The following WARS1 variants were observed in gnomAD, a reference collection of about 807,000 sequenced individuals.
WARS1 encodes tryptophanyl-tRNA synthetase 1, also known as tryptophan--tRNA ligase, cytoplasmic.
In WARS1, 17 loss-of-function variants were observed where a neutral mutation model predicts 47.8. The ratio of observed to expected loss-of-function variants is 0.36; its 90% confidence interval spans 0.24 to 0.53. The LOEUF (loss-of-function observed/expected upper bound fraction) is 0.53, where lower values mean the gene tolerates loss of function less well. Ranked by LOEUF, WARS1 falls within the 20% of genes least tolerant of loss-of-function variation. WARS1 has a pLI of 0.91. For missense variants in WARS1, 434 were observed against 608.0 expected, an observed-to-expected ratio of 0.71 and a Z score of 3.01; for synonymous variants, 208 against 228.1, an observed-to-expected ratio of 0.91 and a Z score of 0.79.
At chr14:100,364,803 A>G (rs1008303360) in intron 2 of WARS1, among the ~76,000 whole-genome samples, 1 of 152,244 alleles carries the variant, frequency 6.6e-6, no homozygotes, top group African/African-American at 2.4e-5. Flanking sequence ...ACCACTGTCA[A>G]CTTCCCAAAA....
At chr14:100,349,763 G>C (rs1204781624) in intron 6 of WARS1, among the ~76,000 whole-genome samples, 1 of 152,236 alleles carries the variant, frequency 6.6e-6, no homozygotes. Context: ...GCAATGTGCA[G>C]GGGGAACTGC....
chr14:100,349,429 G>C (rs1051784665), intron 6 of WARS1, among the ~76,000 whole-genome samples: 2 of 152,176 alleles, frequency 1.3e-5, no homozygotes, highest in South Asian at 2.1e-4. Flanking sequence ...AATATTTGTA[G>C]AACAAAGGAG....
chr14:100,350,412 A>AAAAAT (rs1894900147), intron 6 of WARS1, among the ~76,000 whole-genome samples: 4 of 151,094 alleles, frequency 2.6e-5, no homozygotes, highest in Admixed American at 2.6e-4. Context: ...AAAAAAAAAA[A>AAAAAT]AAAAGGAAGT....
At chr14:100,355,503 G>C (rs1895254247) in intron 4 of WARS1, among the ~76,000 whole-genome samples, 2 of 152,120 alleles carry the variant, frequency 1.3e-5, no homozygotes, top group Admixed American at 1.3e-4. Flanking sequence ...TTACAGGTGT[G>C]AGCCACTGCG....
In WARS1 at chr14:100,334,946, G is replaced by A. The variant is rs1408971790; in HGVS notation, c.1345C>T (p.Arg449Cys). Reference protein sequence around the residue: ...QPLIAEHQARRKEVTDEIVKE... With the variant: ...QPLIAEHQARCKEVTDEIVKE... ...ACTATCTCATCCGTGACCTCCTTGC[G>A]CCGGGCCTGGTGCTCTGCGATCAAG... The change falls in exon 11 of 11, where the codon CGC becomes TGC. Residue 449 changes from arginine (R) to cysteine (C), a missense_variant. Transcript: ENST00000392882. 2.5e-6 allele frequency: 4 copies of A among 1,614,156 alleles called. No individual in the cohort carries two copies. The highest frequency in any genetic ancestry group is 2.2e-5 in the East Asian group (1 of 44,880).
In WARS1 at chr14:100,343,180, C is replaced by T; in HGVS notation, c.939+95G>A. On this transcript the variant is annotated intron_variant, in intron 8 of 10. Coordinates refer to ENST00000392882, the MANE Select transcript of WARS1 (RefSeq NM_004184.4). Reference sequence around the variant, plus strand: ...GCGTGAGCCACCCTGCCTGGCTGCCCATCATATCTTTCAATACCTCTCCCC... The same window carrying T: ...GCGTGAGCCACCCTGCCTGGCTGCCTATCATATCTTTCAATACCTCTCCCC... The T allele has an allele frequency of 2.8e-6, 3 of 1,081,960 alleles. No homozygotes were observed. In the South Asian group the frequency reaches 4.9e-5, roughly 18 times the overall value. The allele number at this position is 1,081,960 out of a possible 1,614,324, so 67.0% of individuals were successfully genotyped here.
chr14:100,346,650 C>G, intron 7 of WARS1, 96 bp downstream of exon 7: 1 of 1,049,726 alleles, frequency 9.5e-7, no homozygotes, highest in Non-Finnish European at 1.5e-6. Flanking sequence ...ACGCTAACAT[C>G]TCAGAGATAT....
intron 9 of WARS1, among the ~76,000 whole-genome samples, chr14:100,337,405 C>T (rs11622361): frequency 6.6e-6 from 1 of 151,996 alleles, no homozygotes; most frequent in South Asian, 2.1e-4. Context: ...TGGGTGTGAG[C>T]TACTGTGGGG....
chr14:100,355,379 G>A (rs1173651743), intron 4 of WARS1, among the ~76,000 whole-genome samples: 1 of 151,244 alleles, frequency 6.6e-6, no homozygotes, highest in Non-Finnish European at 1.5e-5. Flanking sequence ...CTGCCACTAT[G>A]CCCAGCTAAT....
At chr14:100,362,663 T>C (rs1895730004) in intron 2 of WARS1, among the ~76,000 whole-genome samples, 1 of 152,198 alleles carries the variant, frequency 6.6e-6, no homozygotes, top group South Asian at 2.1e-4. Context: ...ATTAAGCTGA[T>C]TAGTCATGCT....
rs559291370 is a variant in WARS1, at chr14:100,365,296, C to T, written c.100-3375G>A. Among the ~76,000 whole-genome samples the T allele has an allele frequency of 3.0e-3, 450 of 151,604 alleles. 2 individuals are homozygous for T. Among genetic ancestry groups the T allele is most frequent in the African/African-American group, 0.011 (435 of 41,418 alleles). The stretch of plus-strand genomic sequence containing the variant: ...AACAGGAGTTAAAAGTGTCGGAAGT[C>T]GGGCCGGGCGTGGTGGCTCACACCT... On this transcript the variant is annotated intron_variant, in intron 2 of 10. Transcript: ENST00000392882.
intron 3 of WARS1, 92 bp from the exon 4 acceptor site, chr14:100,360,754 C>A: frequency 1.1e-6 from 1 of 940,390 alleles, no homozygotes; most frequent in Non-Finnish European, 1.6e-6. Context: ...GTGATCCATG[C>A]ACAATCTTAA....
chr14:100,342,344 C>T, intron 9 of WARS1, 54 bp downstream of exon 9: 5 of 1,606,954 alleles, frequency 3.1e-6, no homozygotes, highest in Non-Finnish European at 4.3e-6. Context: ...GCGTGTGCCC[C>T]CCAGGGCATG....
chr14:100,350,032 C>T (rs1459141946), intron 6 of WARS1, among the ~76,000 whole-genome samples: 2 of 152,172 alleles, frequency 1.3e-5, no homozygotes, highest in African/African-American at 4.8e-5. Flanking sequence ...AAATGCCTTT[C>T]AAGAAAAGAT....
intron 6 of WARS1, among the ~76,000 whole-genome samples, chr14:100,351,988 G>A (rs1173055192): frequency 1.4e-4 from 12 of 88,712 alleles, no homozygotes; most frequent in African/African-American, 3.2e-4. Flanking sequence ...GCGAGACTCC[G>A]TCTCAAAAAA....
At chr14:100,354,390 A>G in intron 5 of WARS1, 57 bp downstream of exon 5, 1 of 1,583,030 alleles carries the variant, frequency 6.3e-7, no homozygotes, top group Non-Finnish European at 8.6e-7. Context: ...CATGGTTTAT[A>G]AGCAACATTC....
intron 10 of WARS1, 27 bp downstream of exon 10, chr14:100,337,035 T>C: frequency 6.2e-7 from 1 of 1,603,428 alleles, no homozygotes; most frequent in Non-Finnish European, 8.5e-7. Context: ...AGAAGGCGGC[T>C]GTGGGCCCTT....
intron 2 of WARS1, 123 bp from the exon 3 acceptor site, chr14:100,362,044 A>G (rs1895694820): frequency 1.0e-5 from 10 of 1,003,864 alleles, no homozygotes; most frequent in Non-Finnish European, 1.5e-5. Flanking sequence ...TTAGTGTCAC[A>G]ACCCTACAAG....
intron 4 of WARS1, among the ~76,000 whole-genome samples, chr14:100,358,553 T>G (rs1021506112): frequency 2.0e-5 from 3 of 152,158 alleles, no homozygotes; most frequent in African/African-American, 7.2e-5. Flanking sequence ...GAAACTGAAA[T>G]GTAAGAGCTA....
Sources: gnomAD v4.1 joint callset for allele counts (sites outside exome capture counted in the v4.1 genomes callset) on GRCh38, gnomAD v4.1.1 for gene constraint, MANE v1.5 for transcripts, NCBI Gene and HGNC (gene_info 2026-07-23, HGNC 2026-07-21) for gene names.